SHISA9: variants seen among roughly 807,000 people sequenced by gnomAD.
SHISA9 encodes shisa family member 9.
Under a neutral mutation model 38.0 loss-of-function variants are expected in SHISA9, and 13 were observed. The observed-to-expected ratio is 0.34, with a 90% CI of 0.22 to 0.54. The LOEUF (loss-of-function observed/expected upper bound fraction) is 0.54, where lower values mean the gene tolerates loss of function less well. Ranked by LOEUF, SHISA9 falls within the 20% of genes least tolerant of loss-of-function variation. The pLI, the probability that SHISA9 is intolerant of heterozygous loss-of-function variation, is 0.91. For synonymous variants in SHISA9, 275 were observed against 242.0 expected (o/e 1.14, Z -1.27); for missense variants, 538 against 575.8 (o/e 0.93, Z 0.67).
chr16:13,122,905 G>A (rs2050225926), intron 2 of SHISA9, among the ~76,000 whole-genome samples: 1 of 152,172 alleles, frequency 6.6e-6, no homozygotes. Flanking sequence ...AAATTAGCCA[G>A]GTGTGGTGGC....
Position 13,060,656 on chromosome 16 carries a change from A to AC in SHISA9, c.692-142738_692-142737insC, listed in dbSNP as rs1348374146. Among the ~76,000 whole-genome samples, 1,085 of 151,078 alleles carry AC rather than the reference A, an allele frequency of 7.2e-3. 38 individuals are homozygous for AC. Among genetic ancestry groups the AC allele is most frequent in the African/African-American group, 0.025 (1,002 of 40,874 alleles). ...CCATCTCAAAAAAAAAAAAAAAAAA[A>AC]AAAAACACTCAAAATACAGGAAATT... is the stretch of plus-strand genomic sequence containing the variant. On this transcript the variant is annotated intron_variant, in intron 2 of 4. Coordinates refer to ENST00000558583, the MANE Select transcript of SHISA9 (RefSeq NM_001145204.3).
chr16:13,110,969 A>ACTT, intron 2 of SHISA9, among the ~76,000 whole-genome samples: 1 of 152,162 alleles, frequency 6.6e-6, no homozygotes, highest in East Asian at 1.9e-4. Context: ...GACATACAAG[A>ACTT]GATGTGAAAC....
chr16:13,121,023 C>T (rs561133658), intron 2 of SHISA9, among the ~76,000 whole-genome samples: 1 of 152,036 alleles, frequency 6.6e-6, no homozygotes, highest in East Asian at 1.9e-4. Context: ...CAGGGCTGGG[C>T]AGTAGTGTCA....
chr16:12,904,720 A>G (rs535809972), intron 1 of SHISA9, among the ~76,000 whole-genome samples: 202 of 152,020 alleles, frequency 1.3e-3, no homozygotes, highest in Non-Finnish European at 1.9e-3. Flanking sequence ...AGAGTTGTTG[A>G]TTTTTACTGG....
At chr16:13,455,153 A>T in the SHISA9 span, among the ~76,000 whole-genome samples, 3 of 152,158 alleles carry the variant, frequency 2.0e-5, no homozygotes, top group Non-Finnish European at 4.4e-5. Flanking sequence ...TTCATTTTAT[A>T]TACATACCTT....
chr16:12,906,955 C>G (rs56128582), intron 1 of SHISA9, among the ~76,000 whole-genome samples: 47,034 of 151,636 alleles, frequency 0.31, 8,029 homozygotes, highest in East Asian at 0.58. Context: ...TTAGATTGAA[C>G]AATTATTAGT....
At chr16:13,133,668 T>C (rs2050324082) in intron 2 of SHISA9, among the ~76,000 whole-genome samples, 1 of 152,206 alleles carries the variant, frequency 6.6e-6, no homozygotes, top group African/African-American at 2.4e-5. Context: ...TCGCCCACAT[T>C]ACCCAAGGGA....
intron 2 of SHISA9, among the ~76,000 whole-genome samples, chr16:13,055,047 A>G (rs1399030918): frequency 6.6e-6 from 1 of 152,224 alleles, no homozygotes; most frequent in Non-Finnish European, 1.5e-5. Context: ...ATATGTATGC[A>G]TATCATTATT....
At chr16:12,953,296 G>C (rs562039191) in intron 2 of SHISA9, among the ~76,000 whole-genome samples, 9 of 152,280 alleles carry the variant, frequency 5.9e-5, no homozygotes, top group African/African-American at 2.2e-4. Flanking sequence ...CTCTGTGCTA[G>C]GCATTGTTTG....
In SHISA9 at chr16:13,012,285, C is replaced by A. The variant is rs567405100; in HGVS notation, c.691+95470C>A. 2.6e-5 allele frequency among the ~76,000 whole-genome samples: 4 copies of A among 152,132 alleles called. No homozygotes were observed. In the East Asian group the frequency reaches 7.7e-4, roughly 29 times the overall value. On this transcript the variant is annotated intron_variant, in intron 2 of 4. Transcript: ENST00000558583. Reference sequence around the variant, plus strand: ...GTGACCCTGGGGTGAGAAGATGGGGCTACCTTAGGTGTTCAAGTGGCCCTC... The same window carrying A: ...GTGACCCTGGGGTGAGAAGATGGGGATACCTTAGGTGTTCAAGTGGCCCTC...
chr16:13,171,999 A>G (rs1389434898), intron 2 of SHISA9, among the ~76,000 whole-genome samples: 5 of 152,124 alleles, frequency 3.3e-5, no homozygotes, highest in Non-Finnish European at 5.9e-5. Context: ...AGTGTTTGGT[A>G]TGCTGGATGT....
intron 2 of SHISA9, among the ~76,000 whole-genome samples, chr16:13,007,643 T>C (rs1048413787): frequency 5.3e-5 from 8 of 152,104 alleles, no homozygotes; most frequent in Non-Finnish European, 1.2e-4. Flanking sequence ...TCATGAACCA[T>C]CCCTCTCTAA....
chr16:13,334,177 A>G, the SHISA9 span, among the ~76,000 whole-genome samples: 1 of 152,200 alleles, frequency 6.6e-6, no homozygotes, highest in Non-Finnish European at 1.5e-5. Flanking sequence ...GACAATCATC[A>G]CTACTTGACA....
chr16:13,466,652 A>C, the SHISA9 span, among the ~76,000 whole-genome samples: 1 of 152,238 alleles, frequency 6.6e-6, no homozygotes, highest in African/African-American at 2.4e-5. Flanking sequence ...TTGTAACTGT[A>C]ATGAGTATTT....
At chr16:13,506,219 C>T in the SHISA9 span, among the ~76,000 whole-genome samples, 1 of 152,128 alleles carries the variant, frequency 6.6e-6, no homozygotes, top group Non-Finnish European at 1.5e-5. Context: ...TTCATTCCTT[C>T]ACCCAGGCAT....
At chr16:13,508,561 C>T in the SHISA9 span, among the ~76,000 whole-genome samples, 42 of 152,188 alleles carry the variant, frequency 2.8e-4, no homozygotes, top group African/African-American at 7.5e-4. Context: ...CTTCCAATAG[C>T]GTTGCCAGCA....
the SHISA9 span, among the ~76,000 whole-genome samples, chr16:13,423,134 G>A: frequency 3.3e-5 from 5 of 152,170 alleles, no homozygotes; most frequent in Non-Finnish European, 7.3e-5. Flanking sequence ...CTTGAAGATG[G>A]TATTGATCTG....
At chr16:12,957,072 T>C (rs1171484483) in intron 2 of SHISA9, among the ~76,000 whole-genome samples, 1 of 152,162 alleles carries the variant, frequency 6.6e-6, no homozygotes, top group Non-Finnish European at 1.5e-5. Flanking sequence ...ATTCATCTAC[T>C]CTCTTCTCCC....
At chr16:13,443,675 A>G in the SHISA9 span, among the ~76,000 whole-genome samples, 1 of 152,220 alleles carries the variant, frequency 6.6e-6, no homozygotes, top group Non-Finnish European at 1.5e-5. Flanking sequence ...TTTAAACAAG[A>G]AAATAAAACT....
Sources: gnomAD v4.1 joint callset for allele counts (sites outside exome capture counted in the v4.1 genomes callset) on GRCh38, gnomAD v4.1.1 for gene constraint, MANE v1.5 for transcripts, NCBI Gene and HGNC (gene_info 2026-07-23, HGNC 2026-07-21) for gene names.